GPM6A: variants seen among roughly 807,000 people sequenced by gnomAD.
The protein encoded by GPM6A is neuronal membrane glycoprotein M6-a.
Under a neutral mutation model 32.1 loss-of-function variants are expected in GPM6A, and 7 were observed. The observed-to-expected ratio is 0.22, with a 90% CI of 0.12 to 0.41. The LOEUF (loss-of-function observed/expected upper bound fraction) is 0.41, where lower values mean the gene tolerates loss of function less well. GPM6A is among the 10% of genes least tolerant of loss of function. The pLI is 1.00. For missense variants in GPM6A, 235 were observed against 347.2 expected (o/e 0.68, Z 2.57); for synonymous variants, 130 against 123.4 (o/e 1.05, Z -0.35).
At chr4:175,854,835 C>T (rs1560966331) in intron 1 of GPM6A, among the ~76,000 whole-genome samples, 1 of 152,096 alleles carries the variant, frequency 6.6e-6, no homozygotes, top group Non-Finnish European at 1.5e-5. Flanking sequence ...TTCACAAATG[C>T]ACATAAAGAA....
At chr4:175,848,550 T>C (rs1419439072) in intron 1 of GPM6A, among the ~76,000 whole-genome samples, 1 of 152,152 alleles carries the variant, frequency 6.6e-6, no homozygotes, top group East Asian at 1.9e-4. Context: ...GAAAACAGAT[T>C]ATAATTTAGA....
At chr4:175,704,030 G>T (rs1033395889) in intron 1 of GPM6A, among the ~76,000 whole-genome samples, 1 of 152,168 alleles carries the variant, frequency 6.6e-6, no homozygotes, top group Non-Finnish European at 1.5e-5. Flanking sequence ...GTCATAGGAA[G>T]ATCTGTGTGC....
chr4:175,780,378 T>C (rs1733571916), intron 1 of GPM6A, among the ~76,000 whole-genome samples: 1 of 152,178 alleles, frequency 6.6e-6, no homozygotes, highest in East Asian at 1.9e-4. Flanking sequence ...ATCACTTGCA[T>C]GAACTTCTGA....
chr4:175,768,255 T>A (rs1271192365), intron 1 of GPM6A, among the ~76,000 whole-genome samples: 1 of 152,192 alleles, frequency 6.6e-6, no homozygotes, highest in Non-Finnish European at 1.5e-5. Context: ...TCCAAGGGAT[T>A]TTTTTAAAAC....
intron 1 of GPM6A, among the ~76,000 whole-genome samples, chr4:175,995,573 C>T (rs1741282003): frequency 6.6e-6 from 1 of 152,060 alleles, no homozygotes. Flanking sequence ...GACTTCCTGC[C>T]TCATCATCAG....
At chr4:175,970,994 T>C (rs996717992) in intron 1 of GPM6A, 1 of 416,144 alleles carries the variant, frequency 2.4e-6, no homozygotes, top group Non-Finnish European at 4.7e-6. Context: ...TCCTGGGGAA[T>C]TCAGTGAAAG....
At chr4:175,903,002 G>A (rs1212699212) in intron 1 of GPM6A, among the ~76,000 whole-genome samples, 2 of 152,050 alleles carry the variant, frequency 1.3e-5, no homozygotes, top group East Asian at 3.9e-4. Context: ...AGAGAGCTGA[G>A]AAGCAACAAC....
intron 1 of GPM6A, among the ~76,000 whole-genome samples, chr4:175,910,985 A>G (rs1738296596): frequency 6.6e-6 from 1 of 152,178 alleles, no homozygotes; most frequent in Non-Finnish European, 1.5e-5. Flanking sequence ...GCCTTAAATA[A>G]CATGTATTAT....
chr4:175,787,324 C>T (rs748958016), intron 1 of GPM6A: 2 of 1,506,284 alleles, frequency 1.3e-6, no homozygotes, highest in South Asian at 1.2e-5. Context: ...CCAAAGTCAC[C>T]CTTGACCTTA....
At chr4:175,992,533 T>C (rs1031572685) in intron 1 of GPM6A, among the ~76,000 whole-genome samples, 1 of 152,150 alleles carries the variant, frequency 6.6e-6, no homozygotes, top group African/African-American at 2.4e-5. Flanking sequence ...ATTGACTAGT[T>C]TATAGGCATC....
intron 1 of GPM6A, among the ~76,000 whole-genome samples, chr4:175,954,855 G>A (rs1034345417): frequency 6.6e-6 from 1 of 152,212 alleles, no homozygotes; most frequent in Non-Finnish European, 1.5e-5. Context: ...AAACCTTGTA[G>A]TAATGGAACA....
chr4:175,979,553 C>G (rs1287365440), intron 1 of GPM6A, among the ~76,000 whole-genome samples: 1 of 151,976 alleles, frequency 6.6e-6, no homozygotes, highest in Non-Finnish European at 1.5e-5. Flanking sequence ...TTCATCCGTG[C>G]AACAAACCTG....
At chr4:175,637,297 TTA>T (rs72051567) in intron 6 of GPM6A, among the ~76,000 whole-genome samples, 19,103 of 46,782 alleles carry the variant, frequency 0.41, 3,550 homozygotes, top group East Asian at 0.57. Context: ...AAAATATATA[TTA>T]TATATTATAT....
At chr4:175,884,778 C>T (rs1037992201) in intron 1 of GPM6A, among the ~76,000 whole-genome samples, 2 of 152,096 alleles carry the variant, frequency 1.3e-5, no homozygotes, top group Admixed American at 6.6e-5. Flanking sequence ...AGGTGATCTG[C>T]CTGCCTAGGC....
At chr4:175,726,159 ATTT>A (rs11298738) in intron 1 of GPM6A, among the ~76,000 whole-genome samples, 1 of 145,814 alleles carries the variant, frequency 6.9e-6, no homozygotes, top group African/African-American at 2.5e-5. Context: ...CGACCAGCTA[ATTT>A]TTTTTTTTTT....
chr4:175,977,118 G>A (rs1028965510), intron 1 of GPM6A, among the ~76,000 whole-genome samples: 1 of 152,154 alleles, frequency 6.6e-6, no homozygotes. Context: ...AAATAGAAGA[G>A]TGTGAACAAC....
At chr4:175,859,266 T>C (rs1736503987) in intron 1 of GPM6A, among the ~76,000 whole-genome samples, 1 of 152,182 alleles carries the variant, frequency 6.6e-6, no homozygotes, top group African/African-American at 2.4e-5. Flanking sequence ...GTTAAAAATA[T>C]GACTAGTCAC....
intron 1 of GPM6A, among the ~76,000 whole-genome samples, chr4:175,705,903 G>A (rs1745162120): frequency 6.6e-6 from 1 of 151,774 alleles, no homozygotes; most frequent in East Asian, 1.9e-4. Context: ...AATAAAAATA[G>A]GCCCATTAAT....
chr4:175,718,690 T>C (rs1319753232), intron 1 of GPM6A, among the ~76,000 whole-genome samples: 9 of 152,062 alleles, frequency 5.9e-5, no homozygotes, highest in Admixed American at 5.9e-4. Flanking sequence ...CACACACACA[T>C]AAACCAGGAA....
Sources: allele counts gnomAD v4.1 joint callset (sites outside exome capture counted in the v4.1 genomes callset), GRCh38; gene constraint gnomAD v4.1.1; transcripts MANE v1.5; gene names NCBI Gene and HGNC (gene_info 2026-07-23, HGNC 2026-07-21).